The following RERE variants were observed in gnomAD, a reference collection of about 807,000 sequenced individuals.
The protein encoded by RERE is arginine-glutamic acid dipeptide repeats protein.
In RERE, 40 loss-of-function variants were observed where a neutral mutation model predicts 146.1. The ratio of observed to expected loss-of-function variants is 0.27; its 90% confidence interval spans 0.21 to 0.36. The LOEUF (loss-of-function observed/expected upper bound fraction) is 0.36, where lower values mean the gene tolerates loss of function less well. Ranked by LOEUF, RERE falls within the 10% of genes least tolerant of loss-of-function variation. The probability of loss-of-function intolerance (pLI) is 1.00; values close to 1 mark genes in which losing one functional copy is unlikely to be tolerated. For missense variants in RERE, 1,933 were observed against 2,138.7 expected, an observed-to-expected ratio of 0.90 and a Z score of 1.90; for synonymous variants, 1,003 against 866.0, an observed-to-expected ratio of 1.16 and a Z score of -2.78.
At chr1:8,696,116 T>A (rs890438459) in intron 1 of RERE, among the ~76,000 whole-genome samples, 7 of 152,214 alleles carry the variant, frequency 4.6e-5, no homozygotes, top group Non-Finnish European at 8.8e-5. Flanking sequence ...AGGGAACAGT[T>A]ATACACTGTT....
In RERE at chr1:8,361,295, G is replaced by A. The variant is rs753941050; in HGVS notation, c.2212C>T (p.Pro738Ser). ...CCAGTGGGAGCCTGCAAGGCTGGGG[G>A]CTGGGCCTGCAGCATCTGCTGCTGG... Reference protein sequence around the residue: ...SAQQQMLQAQPPALQAPTGVT... With the variant: ...SAQQQMLQAQSPALQAPTGVT... The change falls in exon 18 of 23, where the codon CCC becomes TCC. Residue 738 changes from proline (P) to serine (S), a missense_variant. Pro to Ser is a moderately conservative substitution (Grantham distance 74). Transcript: ENST00000400908. 5.9e-5 allele frequency: 94 copies of A among 1,606,532 alleles called. No individual in the cohort carries two copies. The highest frequency in any genetic ancestry group is 6.9e-5 in the Non-Finnish European group (81 of 1,176,502).
At chr1:8,765,533 A>C (rs1201984867) in intron 1 of RERE, among the ~76,000 whole-genome samples, 2 of 152,220 alleles carry the variant, frequency 1.3e-5, no homozygotes, top group Non-Finnish European at 2.9e-5. Context: ...AAAACCAAAC[A>C]AAAGGCCGGA....
intron 4 of RERE, among the ~76,000 whole-genome samples, chr1:8,571,763 G>C (rs1646224196): frequency 6.6e-6 from 1 of 152,138 alleles, no homozygotes; most frequent in South Asian, 2.1e-4. Flanking sequence ...GCACATGCCA[G>C]ACAACAAAGG....
chr1:8,363,755 G>A, intron 15 of RERE: 2 of 438,102 alleles, frequency 4.6e-6, no homozygotes, highest in South Asian at 3.1e-5. Context: ...TACAATGGAA[G>A]TGACACCACA....
At chr1:8,730,795 C>T (rs773177908) in intron 1 of RERE, among the ~76,000 whole-genome samples, 5 of 152,180 alleles carry the variant, frequency 3.3e-5, no homozygotes, top group Admixed American at 2.6e-4. Context: ...CCCCTTTGTA[C>T]TTTATCTGTG....
rs764232302 is a variant in RERE, at chr1:8,356,085, G to A, written c.4486+15C>T. 1 of 1,483,198 alleles carries A rather than the reference G, an allele frequency of 6.7e-7. No individual in the cohort carries two copies. The highest frequency in any genetic ancestry group is 8.9e-7 in the Non-Finnish European group (1 of 1,120,118). 91.9% of individuals were successfully genotyped at this position (1,483,198 alleles called of 1,614,324 possible). A position where few individuals can be genotyped will look rare whatever the true frequency, so the allele number is the denominator to read the frequency against. On this transcript the variant is annotated intron_variant, in intron 21 of 22. Transcript: ENST00000400908. The surrounding 1 kb of genome is among the most constrained non-coding windows in gnomAD (Gnocchi z 5.2). ...TCACACGGCCTCCCCGCCCCTCCTG[G>A]AGGGGAAGTCTTACCGAAAACTGGG...
chr1:8,437,872 C>T (rs1346391826), intron 11 of RERE, among the ~76,000 whole-genome samples: 1 of 151,808 alleles, frequency 6.6e-6, no homozygotes, highest in South Asian at 2.1e-4. Flanking sequence ...CTGCTCCCCC[C>T]ACCCCCATGC....
intron 1 of RERE, among the ~76,000 whole-genome samples, chr1:8,789,743 C>T (rs970889564): frequency 2.0e-5 from 3 of 152,120 alleles, no homozygotes; most frequent in South Asian, 2.1e-4. Flanking sequence ...CTTTACTGAA[C>T]GCTGCGCATA....
chr1:8,360,259 C>A lies in RERE; in HGVS notation c.3248G>T (p.Gly1083Val), dbSNP rs370962200. Residue 1083 changes from glycine (G) to valine (V), a missense_variant, in exon 18 of 23, where the codon GGG (glycine) becomes GTG (valine). By Grantham distance (109) the Gly-to-Val change is moderately radical. Coordinates refer to ENST00000400908, the MANE Select transcript of RERE (RefSeq NM_001042681.2). Reference sequence around the variant, plus strand: ...GACGGTGGGGAGTGGGCAGGACGACCCCCCCGCTATGCTGCCTCCTGAAGC... The same window carrying A: ...GACGGTGGGGAGTGGGCAGGACGACACCCCCGCTATGCTGCCTCCTGAAGC... ...AAASGGSIAG[G>V]SSCPLPTVQI... is the part of the protein sequence containing the mutation. The A allele has an allele frequency of 6.4e-6, 10 of 1,574,144 alleles. No individual in the cohort carries two copies. Among genetic ancestry groups the A allele is most frequent in the African/African-American group, 1.4e-5 (1 of 73,864 alleles).
chr1:8,414,929 G>A (rs1643720144), intron 12 of RERE, among the ~76,000 whole-genome samples: 1 of 151,950 alleles, frequency 6.6e-6, no homozygotes, highest in Non-Finnish European at 1.5e-5. Context: ...TTAATGCTTT[G>A]CTTTACTTTT....
In RERE at chr1:8,576,320, A is replaced by G. The variant is rs537352533; in HGVS notation, c.523-18797T>C. ...ATAAATTTTAGTGCCAATTATAAAA[A>G]TATGTAACCATAGGCAGTGGTCACT... is the stretch of plus-strand genomic sequence containing the variant. On this transcript the variant is annotated intron_variant, in intron 4 of 22. Coordinates refer to ENST00000400908, the MANE Select transcript of RERE (RefSeq NM_001042681.2). 8.5e-5 allele frequency among the ~76,000 whole-genome samples: 13 copies of G among 152,358 alleles called. No homozygotes were observed. In the East Asian group the frequency reaches 2.3e-3, roughly 27 times the overall value.
chr1:8,400,413 G>A (rs994131221), intron 12 of RERE, among the ~76,000 whole-genome samples: 2 of 151,892 alleles, frequency 1.3e-5, no homozygotes, highest in Non-Finnish European at 2.9e-5. Context: ...CACCATGGCC[G>A]GCTAATATTT....
At chr1:8,549,887 A>G (rs1345580606) in intron 6 of RERE, among the ~76,000 whole-genome samples, 1 of 152,244 alleles carries the variant, frequency 6.6e-6, no homozygotes, top group Non-Finnish European at 1.5e-5. Flanking sequence ...AATAATATTT[A>G]CAATACCAAG....
chr1:8,445,487 CTG>C (rs1276928653), intron 11 of RERE, among the ~76,000 whole-genome samples: 1 of 152,300 alleles, frequency 6.6e-6, no homozygotes, highest in East Asian at 1.9e-4. Context: ...ACCCAAGCAT[CTG>C]GACTCTTTTT....
chr1:8,762,525 G>C (rs1640774283), intron 1 of RERE, among the ~76,000 whole-genome samples: 2 of 152,006 alleles, frequency 1.3e-5, no homozygotes, highest in African/African-American at 4.8e-5. Context: ...TTGGTTCCTA[G>C]AATACCCGAG....
chr1:8,670,262 A>C (rs1638682901), intron 1 of RERE, among the ~76,000 whole-genome samples: 1 of 152,246 alleles, frequency 6.6e-6, no homozygotes, highest in Admixed American at 6.5e-5. Context: ...GGGCAGGAGA[A>C]GTCCCAGGAC....
intron 1 of RERE, among the ~76,000 whole-genome samples, chr1:8,700,508 T>C (rs1424847570): frequency 6.6e-6 from 1 of 152,004 alleles, no homozygotes; most frequent in African/African-American, 2.4e-5. Context: ...ACAATAACAC[T>C]ATAAAATATC....
chr1:8,417,876 G>A (rs1314943916), intron 12 of RERE, among the ~76,000 whole-genome samples: 3 of 152,092 alleles, frequency 2.0e-5, no homozygotes, highest in East Asian at 3.8e-4. Flanking sequence ...TCCTGTCTCC[G>A]TGCCTTTGTT....
At chr1:8,462,736 C>A (rs922134676) in intron 11 of RERE, among the ~76,000 whole-genome samples, 1 of 152,104 alleles carries the variant, frequency 6.6e-6, no homozygotes, top group Non-Finnish European at 1.5e-5. Context: ...AATATGCCAG[C>A]GGCAGCGAAG....
Sources: gnomAD v4.1 joint callset for allele counts (sites outside exome capture counted in the v4.1 genomes callset) on GRCh38, gnomAD v4.1.1 for gene constraint, Gnocchi (gnomAD v3.1) non-coding constraint, MANE v1.5 for transcripts, NCBI Gene and HGNC (gene_info 2026-07-23, HGNC 2026-07-21) for gene names.